Variants in CLASP2 observed in about 807,000 individuals in gnomAD.
CLASP2 encodes the protein CLIP-associating protein 2.
Under a neutral mutation model 194.4 loss-of-function variants are expected in CLASP2, and 47 were observed. That is an observed-to-expected ratio of 0.24 (90% confidence interval 0.19 to 0.31). The LOEUF is 0.31. CLASP2 is among the 10% of genes least tolerant of loss of function. The probability of loss-of-function intolerance (pLI) is 1.00; values close to 1 mark genes in which losing one functional copy is unlikely to be tolerated. For synonymous variants in CLASP2, 619 were observed against 633.5 expected (o/e 0.98, Z 0.34); for missense variants, 1,445 against 1,823.6 (o/e 0.79, Z 3.78).
intron 31 of CLASP2, among the ~76,000 whole-genome samples, chr3:33,544,370 T>C (rs1043603317): frequency 1.3e-5 from 2 of 152,196 alleles, no homozygotes; most frequent in African/African-American, 2.4e-5. Context: ...CAAATAAGAA[T>C]TGATTCATCT....
chr3:33,551,216 C>T (rs773056070), intron 30 of CLASP2, 36 bp downstream of exon 30: 3 of 1,566,208 alleles, frequency 1.9e-6, no homozygotes, highest in Middle Eastern at 1.7e-4. Flanking sequence ...GACTTGCTTT[C>T]CCAATTTATC....
Position 33,690,106 on chromosome 3 carries a change from CAAG to C in CLASP2, c.275-177_275-175del, listed in dbSNP as rs1258438524. Among the ~76,000 whole-genome samples the C allele has an allele frequency of 2.6e-5, 4 of 152,182 alleles. No individual in the cohort carries two copies. In the East Asian group the frequency reaches 7.7e-4, roughly 29 times the overall value. On this transcript the variant is annotated intron_variant, in intron 2 of 38. Transcript: ENST00000682230. ...AATAAAAAATAACTGAGCAGTTTCA[CAAG>C]AATACATGCAGCATGATATCTCCTT...
At position 33,506,377 on chromosome 3, in the gene CLASP2, C is replaced by CAAAAAAAAAAAAAAAAAAAAAAAAAAAA. The variant is rs2048189726; in HGVS notation, c.4317+4180_4317+4181insTTTTTTTTTTTTTTTTTTTTTTTTTTTT. 9.7e-5 allele frequency among the ~76,000 whole-genome samples: 6 copies of CAAAAAAAAAAAAAAAAAAAAAAAAAAAA among 61,878 alleles called. 2 individuals carry two copies. Among genetic ancestry groups the CAAAAAAAAAAAAAAAAAAAAAAAAAAAA allele is most frequent in the African/African-American group, 3.4e-4 (6 of 17,542 alleles). The allele number at this position is 61,878 out of a possible 152,430, so 40.6% of individuals were successfully genotyped here. On this transcript the variant is annotated intron_variant, in intron 37 of 38. Transcript: ENST00000682230. ...TGGGTGACAGAGTGAGACTCTGTCT[C>CAAAAAAAAAAAAAAAAAAAAAAAAAAAA]GAAAAAAAAAAAAAAAAAAAAAAAA...
intron 30 of CLASP2, among the ~76,000 whole-genome samples, chr3:33,547,700 G>A (rs2059367246): frequency 6.6e-6 from 1 of 151,974 alleles, no homozygotes; most frequent in African/African-American, 2.4e-5. Context: ...GGAAGAATGT[G>A]TGAAGAATTG....
intron 33 of CLASP2, among the ~76,000 whole-genome samples, chr3:33,537,475 C>G (rs751643011): frequency 6.6e-6 from 1 of 152,186 alleles, no homozygotes; most frequent in South Asian, 2.1e-4. Context: ...ATGAATTCCA[C>G]AGGAACTGGT....
At chr3:33,645,929 T>TGC (rs1553636018) in intron 7 of CLASP2, among the ~76,000 whole-genome samples, 26 of 135,116 alleles carry the variant, frequency 1.9e-4, no homozygotes, top group Non-Finnish European at 1.8e-4. Flanking sequence ...TCTCCCAGCA[T>TGC]ACACACACAC....
intron 10 of CLASP2, among the ~76,000 whole-genome samples, chr3:33,626,349 T>C (rs756597540): frequency 1.3e-5 from 2 of 152,160 alleles, no homozygotes; most frequent in Non-Finnish European, 2.9e-5. Context: ...ACTCATTTGG[T>C]AAATGTAATT....
At chr3:33,596,853 T>C in intron 18 of CLASP2, 119 bp from the exon 19 acceptor site, 1 of 743,990 alleles carries the variant, frequency 1.3e-6, no homozygotes, top group East Asian at 2.8e-5. Context: ...CAGACGTATA[T>C]ATCAAGCTTG....
intron 7 of CLASP2, chr3:33,645,386 T>C (rs1183610192): frequency 1.3e-6 from 1 of 758,832 alleles, no homozygotes; most frequent in African/African-American, 1.7e-5. Context: ...ATACAGTAAA[T>C]TCGATACTAA....
intron 8 of CLASP2, among the ~76,000 whole-genome samples, chr3:33,644,058 G>C (rs1157979135): frequency 6.6e-6 from 1 of 152,008 alleles, no homozygotes; most frequent in Non-Finnish European, 1.5e-5. Context: ...CTATCAGAAA[G>C]ATGTAGCAGA....
intron 2 of CLASP2, among the ~76,000 whole-genome samples, chr3:33,691,581 A>G (rs2091357575): frequency 6.6e-6 from 1 of 152,252 alleles, no homozygotes; most frequent in Admixed American, 6.5e-5. Context: ...CAATAGGAAC[A>G]ATATAAATTC....
chr3:33,671,129 T>C (rs886809401), intron 6 of CLASP2, among the ~76,000 whole-genome samples: 1 of 152,078 alleles, frequency 6.6e-6, no homozygotes, highest in South Asian at 2.1e-4. Context: ...CCACTCTAGC[T>C]AGCCATTCTG....
At chr3:33,712,076 C>T (rs938093348) in intron 1 of CLASP2, among the ~76,000 whole-genome samples, 2 of 152,160 alleles carry the variant, frequency 1.3e-5, no homozygotes, top group African/African-American at 4.8e-5. Context: ...ACGTTTATAG[C>T]AGCACAATTC....
chr3:33,604,078 A>G (rs2073068969), intron 17 of CLASP2, 76 bp downstream of exon 17: 8 of 1,055,294 alleles, frequency 7.6e-6, no homozygotes, highest in Non-Finnish European at 1.1e-5. Flanking sequence ...TTCACTATGG[A>G]GCACATCAAA....
chr3:33,647,078 C>A (rs1394424569), intron 7 of CLASP2, among the ~76,000 whole-genome samples: 1 of 152,102 alleles, frequency 6.6e-6, no homozygotes, highest in East Asian at 1.9e-4. Flanking sequence ...CTACTACCGA[C>A]AAGACATGGG....
chr3:33,662,086 G>A (rs778679099), intron 7 of CLASP2, among the ~76,000 whole-genome samples: 2 of 152,012 alleles, frequency 1.3e-5, no homozygotes, highest in African/African-American at 2.4e-5. Flanking sequence ...GACTAACTCC[G>A]AACCTCCCTG....
intron 36 of CLASP2, chr3:33,514,821 T>TAC (rs62935860): frequency 6.8e-4 from 112 of 164,402 alleles, no homozygotes; most frequent in East Asian, 2.0e-3. Flanking sequence ...TATATGTATA[T>TAC]ACACACACAC....
At chr3:33,506,271 A>G (rs1295258440) in intron 37 of CLASP2, among the ~76,000 whole-genome samples, 1 of 149,714 alleles carries the variant, frequency 6.7e-6, no homozygotes, top group Non-Finnish European at 1.5e-5. Context: ...CCAGATACTC[A>G]GGAGGCTGAG....
intron 34 of CLASP2, 50 bp from the exon 35 acceptor site, chr3:33,517,224 A>T (rs1391033943): frequency 5.6e-6 from 8 of 1,422,102 alleles, no homozygotes; most frequent in Non-Finnish European, 7.6e-6. Flanking sequence ...GGTGACTCTC[A>T]CAAGTATGGG....
Sources: gnomAD v4.1 joint callset for allele counts (sites outside exome capture counted in the v4.1 genomes callset) on GRCh38, gnomAD v4.1.1 for gene constraint, MANE v1.5 for transcripts, NCBI Gene and HGNC (gene_info 2026-07-23, HGNC 2026-07-21) for gene names.